The following RAB38 variants were observed in gnomAD, a reference collection of about 807,000 sequenced individuals.
RAB38 encodes ras-related protein Rab-38.
Under a neutral mutation model 18.4 loss-of-function variants are expected in RAB38, and 15 were observed. The observed-to-expected ratio is 0.82, with a 90% CI of 0.55 to 1.26. The LOEUF is 1.26. Ranked by LOEUF, RAB38 falls within the 50% of genes most tolerant of loss-of-function variation. The pLI is 0.00. For missense variants in RAB38, 294 were observed against 267.4 expected (o/e 1.10, Z -0.69); for synonymous variants, 101 against 104.4 (o/e 0.97, Z 0.20).
chr11:88,091,085 G>A, the RAB38 span, among the ~76,000 whole-genome samples: 2 of 151,938 alleles, frequency 1.3e-5, no homozygotes, highest in Admixed American at 1.3e-4. Flanking sequence ...CCAGGAGAAG[G>A]GGTGACAAGG....
At chr11:87,890,902 C>A in the RAB38 span, among the ~76,000 whole-genome samples, 1 of 151,822 alleles carries the variant, frequency 6.6e-6, no homozygotes, top group Admixed American at 6.6e-5. Flanking sequence ...AACATGGGAA[C>A]CCTTGTTAAA....
At chr11:88,056,519 G>A in the RAB38 span, among the ~76,000 whole-genome samples, 11 of 152,210 alleles carry the variant, frequency 7.2e-5, no homozygotes, top group Middle Eastern at 6.8e-3. Context: ...AAATTGTCAT[G>A]AGGGGCCCGG....
the RAB38 span, among the ~76,000 whole-genome samples, chr11:87,835,991 C>A: frequency 6.6e-6 from 1 of 152,198 alleles, no homozygotes; most frequent in Non-Finnish European, 1.5e-5. Context: ...ACACCAAATA[C>A]AGCTTTTAAC....
the RAB38 span, among the ~76,000 whole-genome samples, chr11:87,977,487 T>A: frequency 4.3e-5 from 2 of 46,776 alleles, no homozygotes; most frequent in Non-Finnish European, 7.9e-5. Context: ...TATAATTATA[T>A]ATAATATAAT....
chr11:87,894,955 G>A, the RAB38 span, among the ~76,000 whole-genome samples: 1 of 151,578 alleles, frequency 6.6e-6, no homozygotes, highest in African/African-American at 2.4e-5. Flanking sequence ...GAGACTCCTG[G>A]AACAGCTACA....
chr11:88,148,714 T>C (rs1281358999), intron 2 of RAB38, among the ~76,000 whole-genome samples: 2 of 152,202 alleles, frequency 1.3e-5, no homozygotes, highest in African/African-American at 4.8e-5. Context: ...TATTCACAGC[T>C]GAATCCCAAA....
At chr11:87,869,529 A>G in the RAB38 span, among the ~76,000 whole-genome samples, 298 of 151,744 alleles carry the variant, frequency 2.0e-3, no homozygotes, top group African/African-American at 6.7e-3. Flanking sequence ...GGAAAATGCA[A>G]TAATTTTATA....
the RAB38 span, among the ~76,000 whole-genome samples, chr11:88,078,758 A>G: frequency 6.6e-6 from 1 of 151,872 alleles, no homozygotes; most frequent in Admixed American, 6.6e-5. Flanking sequence ...GAGAGATTGC[A>G]ATCAGTACAA....
chr11:88,159,347 G>GA (rs150315241), intron 1 of RAB38, among the ~76,000 whole-genome samples: 1 of 150,948 alleles, frequency 6.6e-6, no homozygotes, highest in East Asian at 1.9e-4. Context: ...TATAAACAAA[G>GA]AAAAAAACAT....
the RAB38 span, among the ~76,000 whole-genome samples, chr11:87,822,657 C>A: frequency 1.3e-5 from 2 of 152,196 alleles, no homozygotes; most frequent in African/African-American, 4.8e-5. Flanking sequence ...AGAGAGAACA[C>A]TTAAAGCACA....
At chr11:88,072,608 G>A in the RAB38 span, among the ~76,000 whole-genome samples, 1 of 152,036 alleles carries the variant, frequency 6.6e-6, no homozygotes, top group African/African-American at 2.4e-5. Context: ...CAGATTGCAT[G>A]AATTTAAACA....
chr11:87,944,527 C>A, the RAB38 span, among the ~76,000 whole-genome samples: 3 of 152,124 alleles, frequency 2.0e-5, no homozygotes, highest in Non-Finnish European at 4.4e-5. Flanking sequence ...CCAGAAGGTT[C>A]TCTGTGCCTA....
chr11:87,964,204 G>C, the RAB38 span, among the ~76,000 whole-genome samples: 2 of 152,210 alleles, frequency 1.3e-5, no homozygotes, highest in South Asian at 4.1e-4. Context: ...TTACTGACCT[G>C]GGCCAGCCTT....
the RAB38 span, among the ~76,000 whole-genome samples, chr11:87,880,278 G>A: frequency 6.6e-6 from 1 of 151,714 alleles, no homozygotes. Context: ...TTACAACTCA[G>A]TGAGACTGCA....
At chr11:88,005,920 G>C in the RAB38 span, among the ~76,000 whole-genome samples, 2 of 151,386 alleles carry the variant, frequency 1.3e-5, no homozygotes, top group African/African-American at 4.8e-5. Flanking sequence ...AGATGCTTGG[G>C]TTTAATTCCA....
At chr11:88,067,831 G>C in the RAB38 span, among the ~76,000 whole-genome samples, 1 of 151,612 alleles carries the variant, frequency 6.6e-6, no homozygotes. Flanking sequence ...TGGGTTGATA[G>C]GTACAGCAAA....
chr11:87,935,105 C>A, the RAB38 span, among the ~76,000 whole-genome samples: 1 of 151,242 alleles, frequency 6.6e-6, no homozygotes, highest in African/African-American at 2.4e-5. Context: ...GGACACAAAC[C>A]AAAAAGCTGT....
chr11:88,154,803 C>T (rs1943105471), intron 1 of RAB38, among the ~76,000 whole-genome samples: 1 of 152,168 alleles, frequency 6.6e-6, no homozygotes, highest in Non-Finnish European at 1.5e-5. Flanking sequence ...TTCAAAGCAC[C>T]TGCTCATCTG....
At chr11:88,044,512 C>A in the RAB38 span, among the ~76,000 whole-genome samples, 1 of 152,168 alleles carries the variant, frequency 6.6e-6, no homozygotes, top group African/African-American at 2.4e-5. Flanking sequence ...ACCTTATTTT[C>A]TTCTACAATG....
Sources: gnomAD v4.1 joint callset for allele counts (sites outside exome capture counted in the v4.1 genomes callset) on GRCh38, gnomAD v4.1.1 for gene constraint, MANE v1.5 for transcripts, NCBI Gene and HGNC (gene_info 2026-07-23, HGNC 2026-07-21) for gene names.